Variants in ARSJ observed in about 807,000 individuals in gnomAD.
ARSJ encodes the protein arylsulfatase J.
In ARSJ, 26 loss-of-function variants were observed where a neutral mutation model predicts 35.9. The ratio of observed to expected loss-of-function variants is 0.72; its 90% CI spans 0.53 to 1.00. The LOEUF (loss-of-function observed/expected upper bound fraction) is 1.00, where lower values mean the gene tolerates loss of function less well. ARSJ is among the 50% of genes least tolerant of loss of function. The pLI, the probability that ARSJ is intolerant of heterozygous loss-of-function variation, is 0.00. For synonymous variants in ARSJ, 294 were observed against 267.6 expected, an observed-to-expected ratio of 1.10 and a Z score of -0.96; for missense variants, 667 against 723.6, an observed-to-expected ratio of 0.92 and a Z score of 0.90.
At chr4:113,952,968 T>C (rs1725954179) in intron 1 of ARSJ, among the ~76,000 whole-genome samples, 1 of 152,074 alleles carries the variant, frequency 6.6e-6, no homozygotes, top group South Asian at 2.1e-4. Context: ...TTATATCAAT[T>C]CAGCAATAAT....
chr4:113,924,240 C>T (rs551284334), intron 1 of ARSJ, among the ~76,000 whole-genome samples: 3 of 151,306 alleles, frequency 2.0e-5, no homozygotes, highest in South Asian at 4.2e-4. Context: ...TGGAGTCCAA[C>T]GTTCGAGGGC....
intron 1 of ARSJ, among the ~76,000 whole-genome samples, chr4:113,915,362 C>T (rs1196332844): frequency 6.6e-5 from 10 of 152,056 alleles, no homozygotes; most frequent in Admixed American, 6.6e-4. Flanking sequence ...ATGGAATTAA[C>T]ATTTTATATT....
intron 1 of ARSJ, among the ~76,000 whole-genome samples, chr4:113,972,310 AAAAAAAAAC>A (rs1562379402): frequency 6.7e-6 from 1 of 149,906 alleles, no homozygotes; most frequent in Non-Finnish European, 1.5e-5. Flanking sequence ...AAAAAAACAA[AAAAAAAAAC>A]CCCACCATGA....
Position 113,903,534 on chromosome 4 carries a change from A to T in ARSJ, c.540T>A (p.Gly180=), listed in dbSNP as rs751693419. 6.2e-7 allele frequency: 1 copy of T among 1,613,910 alleles called. No homozygotes were observed. The highest frequency in any genetic ancestry group is 8.5e-7 in the Non-Finnish European group (1 of 1,179,978). ...STHMVGKWHL[G]FYRKECMPTR... is the part of the protein sequence containing the mutation. ...TGGGCATGCATTCTTTTCTGTAAAA[A>T]CCCAAGTGCCATTTTCCGACCATAT... Residue 180 remains glycine (G), a synonymous_variant, in exon 2 of 2, where the codon GGT becomes GGA. Coordinates refer to ENST00000315366, the MANE Select transcript of ARSJ (RefSeq NM_024590.4).
chr4:113,906,656 C>G (rs77445993), intron 1 of ARSJ: 29,621 of 446,528 alleles, frequency 0.066, 1,231 homozygotes, highest in East Asian at 0.11. Context: ...GTTTTGGAAT[C>G]AAACAGACCT....
At chr4:113,942,795 T>C (rs1051825016) in intron 1 of ARSJ, among the ~76,000 whole-genome samples, 1 of 152,060 alleles carries the variant, frequency 6.6e-6, no homozygotes, top group Non-Finnish European at 1.5e-5. Flanking sequence ...TCTTTTAAAA[T>C]TACTAAATAG....
chr4:113,966,414 G>C (rs1299229298), intron 1 of ARSJ, among the ~76,000 whole-genome samples: 1 of 152,134 alleles, frequency 6.6e-6, no homozygotes, highest in Non-Finnish European at 1.5e-5. Flanking sequence ...GAAAAAAGTG[G>C]CTTGGGGAGG....
intron 1 of ARSJ, among the ~76,000 whole-genome samples, chr4:113,949,646 A>G (rs958020278): frequency 6.6e-6 from 1 of 152,078 alleles, no homozygotes; most frequent in African/African-American, 2.4e-5. Flanking sequence ...TGATGTTACT[A>G]GCTGAGTGTT....
chr4:113,962,215 C>T (rs144145287), intron 1 of ARSJ, among the ~76,000 whole-genome samples: 10 of 151,970 alleles, frequency 6.6e-5, no homozygotes, highest in African/African-American at 2.2e-4. Flanking sequence ...AGCACCCTGC[C>T]CCAACATTCA....
At chr4:113,962,968 G>T in intron 1 of ARSJ, among the ~76,000 whole-genome samples, 1 of 152,028 alleles carries the variant, frequency 6.6e-6, no homozygotes. Flanking sequence ...CACACCAGGG[G>T]TGTTCCTGTT....
intron 1 of ARSJ, among the ~76,000 whole-genome samples, chr4:113,935,474 T>G (rs1258292864): frequency 6.6e-6 from 1 of 151,764 alleles, no homozygotes; most frequent in African/African-American, 2.4e-5. Flanking sequence ...CAGAAAACCC[T>G]TTGGGTGTTC....
intron 1 of ARSJ, among the ~76,000 whole-genome samples, chr4:113,928,598 C>T (rs1369747476): frequency 6.6e-6 from 1 of 152,176 alleles, no homozygotes; most frequent in African/African-American, 2.4e-5. Flanking sequence ...TTTGTCTCTG[C>T]TGTCCATTAT....
intron 1 of ARSJ, among the ~76,000 whole-genome samples, chr4:113,923,086 G>A (rs989306895): frequency 1.3e-5 from 2 of 152,166 alleles, no homozygotes; most frequent in African/African-American, 4.8e-5. Context: ...GACTTGCACT[G>A]CTGCATTGGG....
chr4:113,952,100 C>T (rs1725898004), intron 1 of ARSJ, among the ~76,000 whole-genome samples: 1 of 151,900 alleles, frequency 6.6e-6, no homozygotes, highest in South Asian at 2.1e-4. Context: ...ACTATATTGC[C>T]CAAGCTGGAG....
chr4:113,964,908 A>G (rs1040608203), intron 1 of ARSJ, among the ~76,000 whole-genome samples: 8 of 152,144 alleles, frequency 5.3e-5, no homozygotes, highest in African/African-American at 1.9e-4. Flanking sequence ...ACAGTCCTAA[A>G]TATCTAATTG....
chr4:113,926,280 C>T (rs1050933550), intron 1 of ARSJ, among the ~76,000 whole-genome samples: 3 of 152,142 alleles, frequency 2.0e-5, no homozygotes, highest in Admixed American at 1.3e-4. Flanking sequence ...TGGCTACAGC[C>T]CATGAATCAG....
chr4:113,905,372 T>A (rs953451362), intron 1 of ARSJ, among the ~76,000 whole-genome samples: 1 of 152,198 alleles, frequency 6.6e-6, no homozygotes, highest in South Asian at 2.1e-4. Context: ...CTTGGATGAA[T>A]AGTTCAATTT....
At chr4:113,919,222 G>A (rs371976479) in intron 1 of ARSJ, among the ~76,000 whole-genome samples, 2 of 152,130 alleles carry the variant, frequency 1.3e-5, no homozygotes, top group Non-Finnish European at 2.9e-5. Context: ...AAGTGACCAC[G>A]AGGCTGTGAA....
intron 1 of ARSJ, among the ~76,000 whole-genome samples, chr4:113,959,786 A>G (rs1726425539): frequency 6.6e-6 from 1 of 152,052 alleles, no homozygotes; most frequent in Admixed American, 6.6e-5. Flanking sequence ...TATCAAATGG[A>G]ATTTGGTTTC....
Sources: allele counts gnomAD v4.1 joint callset (sites outside exome capture counted in the v4.1 genomes callset), GRCh38; gene constraint gnomAD v4.1.1; transcripts MANE v1.5; gene names NCBI Gene and HGNC (gene_info 2026-07-23, HGNC 2026-07-21).